Variants in CD82 observed in about 807,000 individuals in gnomAD.
CD82 encodes the protein CD82 molecule.
A neutral mutation model predicts 37.4 loss-of-function variants in CD82; 36 were observed. The ratio of observed to expected loss-of-function variants is 0.96; its 90% confidence interval spans 0.74 to 1.27. The LOEUF is 1.27. CD82 is among the 50% of genes most tolerant of loss of function. The probability of loss-of-function intolerance (pLI) is 0.00; values close to 1 mark genes in which losing one functional copy is unlikely to be tolerated. For missense variants in CD82, 340 were observed against 347.0 expected, an observed-to-expected ratio of 0.98 and a Z score of 0.16; for synonymous variants, 158 against 137.4, an observed-to-expected ratio of 1.15 and a Z score of -1.05.
intron 1 of CD82, among the ~76,000 whole-genome samples, chr11:44,567,310 G>A (rs1852749904): frequency 1.3e-5 from 2 of 152,178 alleles, no homozygotes; most frequent in African/African-American, 4.8e-5. Context: ...GAGATAAGCT[G>A]TACAGTATGG....
Position 44,599,641 on chromosome 11 carries a change from G to A in CD82, c.64-517G>A, listed in dbSNP as rs1415124740. On this transcript the variant is annotated intron_variant, in intron 3 of 9. Transcript: ENST00000227155. ...CCAGTCGGAATGACTGTTAAGAAGGGTGGGACAGTGGTTGCTGCAGAATGG... is the reference window on the plus strand; with the variant it reads ...CCAGTCGGAATGACTGTTAAGAAGGATGGGACAGTGGTTGCTGCAGAATGG... Among the ~76,000 whole-genome samples, 5 of 152,388 alleles carry A rather than the reference G, an allele frequency of 3.3e-5. No individual in the cohort carries two copies. The South Asian group carries it at 8.3e-4, about 25-fold the overall frequency.
intron 1 of CD82, among the ~76,000 whole-genome samples, chr11:44,580,791 A>T (rs1485579655): frequency 3.3e-5 from 5 of 152,198 alleles, no homozygotes; most frequent in Non-Finnish European, 5.9e-5. Context: ...AATTCTCGTG[A>T]TGAGATAATT....
chr11:44,597,110 G>A lies in CD82; in HGVS notation c.63+2385G>A. ...CTCTTTGTTTTATGCACATTGGGAG[G>A]GGTTTCGTGGTTGGATTTGTGGTTT... On this transcript the variant is annotated intron_variant, in intron 3 of 9. Coordinates refer to ENST00000227155, the MANE Select transcript of CD82 (RefSeq NM_002231.4). The surrounding 1 kb of genome is among the most constrained non-coding windows in gnomAD (Gnocchi z 4.1). The A allele has an allele frequency of 2.3e-6, 1 of 440,042 alleles. No homozygotes were observed. The highest frequency in any genetic ancestry group is 1.6e-5 in the South Asian group (1 of 63,580). 27.3% of individuals were successfully genotyped at this position (440,042 alleles called of 1,614,324 possible).
intron 4 of CD82, chr11:44,604,495 AGGCACAGTGAGTG>A (rs1853359616): frequency 6.2e-6 from 1 of 162,044 alleles, no homozygotes; most frequent in Admixed American, 5.6e-5. Context: ...AAAGCCCATG[AGGCACAGTGAGTG>A]GGCAAGAAAG....
At chr11:44,612,933 A>G (rs1282793004) in intron 6 of CD82, among the ~76,000 whole-genome samples, 1 of 152,102 alleles carries the variant, frequency 6.6e-6, no homozygotes, top group Non-Finnish European at 1.5e-5. Context: ...CACCATGGCC[A>G]GCCCCAGCAT....
chr11:44,571,412 T>C (rs868074058), intron 1 of CD82, among the ~76,000 whole-genome samples: 14 of 152,186 alleles, frequency 9.2e-5, no homozygotes, highest in African/African-American at 2.9e-4. Context: ...TACCGCTCTG[T>C]GCATCAGTTT....
chr11:44,617,753 G>A (rs949464319), intron 7 of CD82, among the ~76,000 whole-genome samples: 5 of 152,134 alleles, frequency 3.3e-5, no homozygotes, highest in Non-Finnish European at 4.4e-5. Flanking sequence ...TTTAGTCCTT[G>A]TGATAGCCCT....
At chr11:44,573,875 T>G (rs1852850087) in intron 1 of CD82, among the ~76,000 whole-genome samples, 1 of 152,168 alleles carries the variant, frequency 6.6e-6, no homozygotes, top group African/African-American at 2.4e-5. Flanking sequence ...AGTCTTGGTT[T>G]TTATGAGGAT....
intron 7 of CD82, among the ~76,000 whole-genome samples, chr11:44,616,226 TA>T (rs1853562224): frequency 1.4e-4 from 21 of 152,016 alleles, no homozygotes; most frequent in Admixed American, 1.4e-3. Context: ...ACACTCCATC[TA>T]GGTGACATGG....
intron 3 of CD82, among the ~76,000 whole-genome samples, chr11:44,598,499 G>A (rs1318542054): frequency 4.0e-5 from 5 of 126,436 alleles, no homozygotes; most frequent in South Asian, 2.8e-4. Flanking sequence ...TGCCACCGCC[G>A]CTTCCTGAGT....
chr11:44,569,965 A>G (rs544019654), intron 1 of CD82, among the ~76,000 whole-genome samples: 1 of 152,346 alleles, frequency 6.6e-6, no homozygotes, highest in South Asian at 2.1e-4. Flanking sequence ...TACCTAGCAC[A>G]TAGTAAATGC....
In CD82 at chr11:44,598,282, G is replaced by A. The variant is rs1853256569; in HGVS notation, c.64-1876G>A. Among the ~76,000 whole-genome samples, 3 of 151,886 alleles carry A rather than the reference G, an allele frequency of 2.0e-5. No homozygotes were observed. The South Asian group carries it at 6.2e-4, about 32-fold the overall frequency. On this transcript the variant is annotated intron_variant, in intron 3 of 9. Coordinates refer to ENST00000227155, the MANE Select transcript of CD82 (RefSeq NM_002231.4). ...GCAAGTACAAGGGTAAAGGGAGAGA[G>A]GCAACCCCCTACTGAGCCACCTGGG...
At chr11:44,576,359 G>T (rs530548396) in intron 1 of CD82, among the ~76,000 whole-genome samples, 42 of 152,338 alleles carry the variant, frequency 2.8e-4, no homozygotes, top group Non-Finnish European at 4.9e-4. Flanking sequence ...CCATTGTACA[G>T]ATGAGGAAAC....
intron 1 of CD82, among the ~76,000 whole-genome samples, chr11:44,571,518 G>A (rs1019947194): frequency 4.6e-5 from 7 of 152,188 alleles, no homozygotes; most frequent in African/African-American, 7.2e-5. Flanking sequence ...TTAAGACAGC[G>A]CCTGGCACAT....
At chr11:44,573,689 G>T (rs933875637) in intron 1 of CD82, among the ~76,000 whole-genome samples, 4 of 152,212 alleles carry the variant, frequency 2.6e-5, no homozygotes, top group Non-Finnish European at 5.9e-5. Context: ...TGGCACTGTG[G>T]TTCTCAAAAT....
intron 3 of CD82, among the ~76,000 whole-genome samples, chr11:44,599,830 C>CG (rs1565089659): frequency 6.6e-6 from 1 of 152,060 alleles, no homozygotes; most frequent in African/African-American, 2.4e-5. Flanking sequence ...TGGGTGGAGT[C>CG]GGGGGGATGA....
chr11:44,592,705 C>T (rs1170156373), intron 2 of CD82, among the ~76,000 whole-genome samples: 1 of 152,156 alleles, frequency 6.6e-6, no homozygotes, highest in Non-Finnish European at 1.5e-5. Context: ...TTCCTGGGCA[C>T]GGGGAAGTCA....
intron 1 of CD82, chr11:44,585,048 G>A: frequency 2.8e-6 from 1 of 360,530 alleles, no homozygotes; most frequent in Admixed American, 3.6e-5. Flanking sequence ...CTGGACCTCT[G>A]AGTCTCAAGC....
At position 44,619,947 on chromosome 11, in the gene CD82, T is replaced by C. The variant is rs762435369; in HGVS notation, c.*821T>C. 1 of 151,328 alleles carries C rather than the reference T, an allele frequency of 6.6e-6. No homozygotes were observed. 9.4% of individuals were successfully genotyped at this position (151,328 alleles called of 1,614,324 possible). On this transcript the variant is annotated 3_prime_UTR_variant, in exon 10 of 10. Transcript: ENST00000227155. ...GGAGAGGGTGGGTTTTACCTGATAT[T>C]AAGGGGTGGCACCCCTTCCCCAGGC...
Sources: gnomAD v4.1 joint callset for allele counts (sites outside exome capture counted in the v4.1 genomes callset) on GRCh38, gnomAD v4.1.1 for gene constraint, Gnocchi (gnomAD v3.1) non-coding constraint, MANE v1.5 for transcripts, NCBI Gene and HGNC (gene_info 2026-07-23, HGNC 2026-07-21) for gene names.